KDM5B: variants seen among roughly 807,000 people sequenced by gnomAD.
KDM5B encodes lysine demethylase 5B, also known as lysine-specific demethylase 5B.
A neutral mutation model predicts 193.4 loss-of-function variants in KDM5B; 144 were observed. The ratio of observed to expected loss-of-function variants is 0.74; its 90% CI spans 0.65 to 0.86. The LOEUF (loss-of-function observed/expected upper bound fraction) is 0.86, where lower values mean the gene tolerates loss of function less well. Ranked by LOEUF, KDM5B falls within the 40% of genes least tolerant of loss-of-function variation. The pLI, the probability that KDM5B is intolerant of heterozygous loss-of-function variation, is 0.00. For missense variants in KDM5B, 1,833 were observed against 1,886.9 expected (o/e 0.97, Z 0.53); for synonymous variants, 668 against 682.6 (o/e 0.98, Z 0.33).
intron 11 of KDM5B, 132 bp downstream of exon 11, chr1:202,755,139 A>T: frequency 1.6e-6 from 1 of 624,806 alleles, no homozygotes; most frequent in East Asian, 2.7e-5. Context: ...CTGTTCTAAC[A>T]GAAGTGAAAA....
Position 202,729,965 on chromosome 1 carries a change from G to C in KDM5B, c.4239C>G (p.Arg1413=). The part of the protein sequence containing the change: ...INSLERKLKR[R]LEREGLSSER... The stretch of plus-strand genomic sequence containing the variant: ...CACTGGAGAGGCCCTCTCTTTCCAG[G>C]CGTCTCTTCAGTTTTCTCTCAAGAC... The change falls in exon 26 of 27, where the codon CGC becomes CGG. Residue 1413 remains arginine (R), a synonymous_variant. Coordinates refer to ENST00000367265, the MANE Select transcript of KDM5B (RefSeq NM_006618.5). 1 of 1,613,848 alleles carries C rather than the reference G, an allele frequency of 6.2e-7. No individual in the cohort carries two copies. Among genetic ancestry groups the C allele is most frequent in the South Asian group, 1.1e-5 (1 of 91,050 alleles).
At position 202,733,602 on chromosome 1, in the gene KDM5B, G is replaced by A. The variant is rs776821756; in HGVS notation, c.3708C>T (p.Leu1236=). 5.0e-5 allele frequency: 81 copies of A among 1,614,012 alleles called. No individual in the cohort carries two copies. Among genetic ancestry groups the A allele is most frequent in the Non-Finnish European group, 6.2e-5 (73 of 1,180,034 alleles). ...KPPLEKILPL[L]ASLQRIRVRL... The stretch of plus-strand genomic sequence containing the variant: ...GAACTCGGATACGCTGAAGGGAGGC[G>A]AGCAGGGGCAGAATTTTCTCTAATG... The change falls in exon 23 of 27, where the codon CTC becomes CTT. Residue 1236 remains leucine, a synonymous_variant. Transcript: ENST00000367265.
At chr1:202,788,091 C>G (rs1044801053) in intron 1 of KDM5B, among the ~76,000 whole-genome samples, 2 of 152,132 alleles carry the variant, frequency 1.3e-5, no homozygotes, top group Non-Finnish European at 2.9e-5. Flanking sequence ...CTCTTTTCAT[C>G]CAGATTTAAA....
rs752569463 is a variant in KDM5B, at chr1:202,733,803, C to A, written c.3507G>T (p.Ser1169=). The change falls in exon 23 of 27, where the codon TCG becomes TCT. Residue 1169 remains serine, a synonymous_variant. Transcript: ENST00000367265. The stretch of plus-strand genomic sequence containing the variant: ...TTTTTATATCCACATCTTGGAGAGG[C>A]GACAGCAATTTCCCTTCATTGGCGA... ...LRLANEGKLL[S]PLQDVDIKIC... 13 of 1,614,004 alleles carry A rather than the reference C, an allele frequency of 8.1e-6. No homozygotes were observed. In the African/African-American group the frequency reaches 1.2e-4, roughly 15 times the overall value.
In KDM5B at chr1:202,726,535, C is replaced by T. The variant is rs1654680877; in HGVS notation, c.*2501G>A. 1 of 152,164 alleles carries T rather than the reference C, an allele frequency of 6.6e-6. No individual in the cohort carries two copies. The highest frequency in any genetic ancestry group is 1.5e-5 in the Non-Finnish European group (1 of 68,034). 9.4% of individuals were successfully genotyped at this position (152,164 alleles called of 1,614,324 possible). On this transcript the variant is annotated 3_prime_UTR_variant, in exon 27 of 27. Transcript: ENST00000367265. ...TACCCTTTCTTTCTTTACCCACTGA[C>T]CCTCCTTCTGGTTCAGGCTCTAACT...
chr1:202,767,165 C>T, intron 4 of KDM5B, 105 bp from the exon 5 acceptor site: 1 of 1,554,226 alleles, frequency 6.4e-7, no homozygotes, highest in African/African-American at 1.4e-5. Context: ...GTTTGATCTA[C>T]TTCCAGAGGC....
chr1:202,753,907 G>A (rs1466332051), intron 11 of KDM5B, among the ~76,000 whole-genome samples: 4 of 151,942 alleles, frequency 2.6e-5, no homozygotes, highest in African/African-American at 4.8e-5. Context: ...GACCTCAGGT[G>A]AACCGCCCGC....
chr1:202,733,831 C>G lies in KDM5B; in HGVS notation c.3479G>C (p.Arg1160Thr). ...LREMEALQSL[R>T]LANEGKLLSP... ...CAGCAATTTCCCTTCATTGGCGAGT[C>G]TGAGAGACTGCAAGGCTTCCATTTC... The change falls in exon 23 of 27, where the codon AGA becomes ACA. Residue 1160 changes from arginine (R) to threonine (T), a missense_variant. Transcript: ENST00000367265. The G allele has an allele frequency of 1.2e-6, 2 of 1,614,064 alleles. No individual in the cohort carries two copies. Among genetic ancestry groups the G allele is most frequent in the Non-Finnish European group, 1.7e-6 (2 of 1,179,980 alleles).
At chr1:202,778,608 T>C (rs1397121796) in intron 1 of KDM5B, among the ~76,000 whole-genome samples, 4 of 152,092 alleles carry the variant, frequency 2.6e-5, no homozygotes, top group African/African-American at 4.8e-5. Flanking sequence ...ATAGATCTTT[T>C]ATTTATTTAT....
intron 17 of KDM5B, 50 bp from the exon 18 acceptor site, chr1:202,742,555 A>G: frequency 3.1e-6 from 5 of 1,600,764 alleles, no homozygotes; most frequent in Non-Finnish European, 4.3e-6. Flanking sequence ...ATACATGTCC[A>G]CCACACCCAG....
Position 202,760,395 on chromosome 1 carries a change from C to A in KDM5B, c.1077+20G>T. The A allele has an allele frequency of 1.3e-6, 2 of 1,565,312 alleles. No individual in the cohort carries two copies. The highest frequency in any genetic ancestry group is 1.7e-6 in the Non-Finnish European group (2 of 1,158,382). Reference sequence around the variant, plus strand: ...CCCTAAAAAAATTTTTCTAGTGTTACCTCTACTATTAATTATTACCTGAGC... The same window carrying A: ...CCCTAAAAAAATTTTTCTAGTGTTAACTCTACTATTAATTATTACCTGAGC... On this transcript the variant is annotated intron_variant, in intron 8 of 26. Coordinates refer to ENST00000367265, the MANE Select transcript of KDM5B (RefSeq NM_006618.5).
chr1:202,732,982 G>A (rs1408305988), intron 23 of KDM5B, among the ~76,000 whole-genome samples: 2 of 152,042 alleles, frequency 1.3e-5, no homozygotes, highest in Non-Finnish European at 2.9e-5. Context: ...TCCCTTAAAG[G>A]GCAAAAAGCG....
intron 11 of KDM5B, among the ~76,000 whole-genome samples, chr1:202,754,339 G>A (rs1478514957): frequency 2.0e-5 from 3 of 152,292 alleles, no homozygotes; most frequent in South Asian, 2.1e-4. Flanking sequence ...GTGAGTTACA[G>A]ATTTTCAAAT....
chr1:202,728,638 A>G lies in KDM5B; in HGVS notation c.*398T>C, dbSNP rs2102204509. 6.4e-6 allele frequency: 1 copy of G among 157,114 alleles called. No homozygotes were observed. The highest frequency in any genetic ancestry group is 3.3e-3 in the Middle Eastern group (1 of 302). The allele number at this position is 157,114 out of a possible 1,614,324, so 9.7% of individuals were successfully genotyped here. ...CTTCCTCAAATGAGGATTTACTGGA[A>G]TTTCTGGTGGGTGCCCTTTTGGGCA... On this transcript the variant is annotated 3_prime_UTR_variant, in exon 27 of 27. Transcript: ENST00000367265.
chr1:202,731,067 T>A lies in KDM5B; in HGVS notation c.4022-4A>T. The A allele has an allele frequency of 6.3e-7, 1 of 1,594,198 alleles. No homozygotes were observed. The highest frequency in any genetic ancestry group is 8.6e-7 in the Non-Finnish European group (1 of 1,168,326). On this transcript the variant is annotated splice_polypyrimidine_tract_variant and splice_region_variant and intron_variant, in intron 24 of 26. Transcript: ENST00000367265. ...TCATTCACTTCTGGACTAACACCTG[T>A]AAAAGACCAGACCAAATCAAAATGA...
chr1:202,745,743 G>C lies in KDM5B; in HGVS notation c.2323+115C>G, dbSNP rs184587982. 3 of 1,186,700 alleles carry C rather than the reference G, an allele frequency of 2.5e-6. No homozygotes were observed. The East Asian group carries it at 7.1e-5, about 28-fold the overall frequency. The allele number at this position is 1,186,700 out of a possible 1,614,324, so 73.5% of individuals were successfully genotyped here. ...CTCTGTAAACCGGGCTATGTAGAGGGGCTAACCAAGGATGAGGTCAGGCTG... is the reference window on the plus strand; with the variant it reads ...CTCTGTAAACCGGGCTATGTAGAGGCGCTAACCAAGGATGAGGTCAGGCTG... On this transcript the variant is annotated intron_variant, in intron 16 of 26. Coordinates refer to ENST00000367265, the MANE Select transcript of KDM5B (RefSeq NM_006618.5).
chr1:202,753,149 G>A (rs4950742), intron 11 of KDM5B, 82 bp from the exon 12 acceptor site: 853,792 of 1,209,096 alleles, frequency 0.71, 309,013 homozygotes, highest in Middle Eastern at 0.78. Context: ...TTTCAGACTC[G>A]GCTTTGTAAG....
chr1:202,807,987 G>A (rs1032822195), intron 1 of KDM5B, 115 bp downstream of exon 1: 14 of 1,084,614 alleles, frequency 1.3e-5, no homozygotes, highest in South Asian at 1.8e-5. Context: ...CAAACTTGAC[G>A]AGGCCGGCGG....
intron 13 of KDM5B, among the ~76,000 whole-genome samples, chr1:202,750,256 G>T (rs1302500553): frequency 1.3e-5 from 2 of 152,050 alleles, no homozygotes; most frequent in African/African-American, 4.8e-5. Flanking sequence ...GAGCAGTAAT[G>T]GGTCAAGGCA....
Sources: gnomAD v4.1 joint callset for allele counts (sites outside exome capture counted in the v4.1 genomes callset) on GRCh38, gnomAD v4.1.1 for gene constraint, MANE v1.5 for transcripts, NCBI Gene and HGNC (gene_info 2026-07-23, HGNC 2026-07-21) for gene names.